The following ZBTB20 variants were observed in gnomAD, a reference collection of about 807,000 sequenced individuals.
ZBTB20 encodes the protein zinc finger and BTB domain containing 20, also known as zinc finger and BTB domain-containing protein 20.
Under a neutral mutation model 56.9 loss-of-function variants are expected in ZBTB20, and 9 were observed. That is an observed-to-expected ratio of 0.16 (90% CI 0.10 to 0.28). The LOEUF is 0.28. Ranked by LOEUF, ZBTB20 falls within the 10% of genes least tolerant of loss-of-function variation. ZBTB20 has a pLI of 1.00. For missense variants in ZBTB20, 655 were observed against 1,003.0 expected, an observed-to-expected ratio of 0.65 and a Z score of 4.69; for synonymous variants, 417 against 420.7, an observed-to-expected ratio of 0.99 and a Z score of 0.11.
At chr3:114,829,264 A>G (rs1337506184) in intron 4 of ZBTB20, among the ~76,000 whole-genome samples, 1 of 151,892 alleles carries the variant, frequency 6.6e-6, no homozygotes, top group Non-Finnish European at 1.5e-5. Flanking sequence ...CAAAATTCCC[A>G]TGGATACTGT....
At chr3:114,982,974 C>T (rs2078391080) in intron 2 of ZBTB20, among the ~76,000 whole-genome samples, 1 of 151,988 alleles carries the variant, frequency 6.6e-6, no homozygotes, top group Non-Finnish European at 1.5e-5. Context: ...TCATCCTACA[C>T]ACCATAATAA....
intron 2 of ZBTB20, among the ~76,000 whole-genome samples, chr3:114,991,634 G>A (rs953046177): frequency 3.7e-4 from 56 of 152,214 alleles, no homozygotes; most frequent in Admixed American, 2.3e-3. Flanking sequence ...TTGGTGCAGA[G>A]CTGAGTTCAA....
chr3:114,429,370 A>T (rs1178072609), intron 7 of ZBTB20, among the ~76,000 whole-genome samples: 1 of 152,230 alleles, frequency 6.6e-6, no homozygotes, highest in Non-Finnish European at 1.5e-5. Flanking sequence ...TATTTTAGTT[A>T]GACACTGGAA....
chr3:114,925,732 T>C (rs1404966461), intron 3 of ZBTB20, among the ~76,000 whole-genome samples: 3 of 152,142 alleles, frequency 2.0e-5, no homozygotes, highest in Non-Finnish European at 4.4e-5. Flanking sequence ...TTCACCATGT[T>C]AGCCAGGATG....
intron 10 of ZBTB20, among the ~76,000 whole-genome samples, chr3:114,355,759 G>C (rs190523231): frequency 9.9e-5 from 15 of 152,088 alleles, no homozygotes; most frequent in Admixed American, 9.8e-4. Flanking sequence ...GGAGTGTATA[G>C]GAAGGAATGG....
intron 7 of ZBTB20, among the ~76,000 whole-genome samples, chr3:114,467,033 GGA>G (rs2092582928): frequency 6.6e-6 from 1 of 152,174 alleles, no homozygotes; most frequent in Non-Finnish European, 1.5e-5. Flanking sequence ...ATTAGAAATT[GGA>G]GAGATAGGTT....
chr3:114,699,636 T>G (rs746574959), intron 5 of ZBTB20, among the ~76,000 whole-genome samples: 1 of 152,190 alleles, frequency 6.6e-6, no homozygotes, highest in Non-Finnish European at 1.5e-5. Context: ...TTGTTAATTC[T>G]GTAGGACTGA....
intron 6 of ZBTB20, among the ~76,000 whole-genome samples, chr3:114,539,526 G>A (rs914561134): frequency 3.9e-5 from 6 of 152,258 alleles, no homozygotes; most frequent in Non-Finnish European, 8.8e-5. Flanking sequence ...CAGGAACAGA[G>A]TATTACTTTG....
intron 10 of ZBTB20, among the ~76,000 whole-genome samples, chr3:114,363,419 T>A (rs1358903796): frequency 6.6e-6 from 1 of 152,204 alleles, no homozygotes; most frequent in Non-Finnish European, 1.5e-5. Context: ...TTCTGAAAAC[T>A]AATTAAAAAT....
At chr3:114,681,158 A>ATT (rs10576152) in intron 6 of ZBTB20, among the ~76,000 whole-genome samples, 39 of 121,070 alleles carry the variant, frequency 3.2e-4, no homozygotes, top group Middle Eastern at 4.3e-3. Context: ...TGAGCGTATA[A>ATT]TTTTTTTTTT....
intron 6 of ZBTB20, among the ~76,000 whole-genome samples, chr3:114,586,262 A>T (rs2055166454): frequency 6.6e-6 from 1 of 152,226 alleles, no homozygotes; most frequent in Non-Finnish European, 1.5e-5. Context: ...TCATGAAATG[A>T]AGTCCTGAAG....
intron 6 of ZBTB20, among the ~76,000 whole-genome samples, chr3:114,610,054 A>ACAGCAGCAG (rs758380950): frequency 2.2e-4 from 34 of 152,114 alleles, no homozygotes; most frequent in Middle Eastern, 3.4e-3. Context: ...CATGGCAATC[A>ACAGCAGCAG]CAGCAGCAGC....
At chr3:114,471,162 T>C (rs895401278) in intron 7 of ZBTB20, among the ~76,000 whole-genome samples, 5 of 152,170 alleles carry the variant, frequency 3.3e-5, no homozygotes, top group African/African-American at 7.2e-5. Flanking sequence ...AGAATCCCAA[T>C]TGAAGTTGTT....
At chr3:115,087,934 G>T (rs1261153810) in intron 1 of ZBTB20, among the ~76,000 whole-genome samples, 1 of 151,960 alleles carries the variant, frequency 6.6e-6, no homozygotes, top group Admixed American at 6.6e-5. Flanking sequence ...TAAGGAAAGG[G>T]ATGGAGTAAG....
intron 4 of ZBTB20, among the ~76,000 whole-genome samples, chr3:114,890,930 G>A (rs984833727): frequency 6.6e-6 from 1 of 151,886 alleles, no homozygotes; most frequent in Non-Finnish European, 1.5e-5. Flanking sequence ...GCATTACTTA[G>A]CTTGGCGATG....
intron 3 of ZBTB20, among the ~76,000 whole-genome samples, chr3:114,949,915 C>A (rs2077006892): frequency 6.6e-6 from 1 of 151,778 alleles, no homozygotes; most frequent in Non-Finnish European, 1.5e-5. Context: ...CAGAAACAAA[C>A]CCAACTGGAA....
At chr3:114,964,287 C>T (rs186363436) in intron 3 of ZBTB20, among the ~76,000 whole-genome samples, 12 of 152,104 alleles carry the variant, frequency 7.9e-5, no homozygotes, top group South Asian at 2.1e-4. Context: ...TGGTGGAGCA[C>T]GCCTGTAATT....
chr3:114,923,444 C>T (rs1242406612), intron 3 of ZBTB20, among the ~76,000 whole-genome samples: 2 of 152,120 alleles, frequency 1.3e-5, no homozygotes, highest in Non-Finnish European at 2.9e-5. Flanking sequence ...TAATCTTTGG[C>T]AAGGGCACCA....
At chr3:114,765,252 C>G (rs142999362) in intron 5 of ZBTB20, among the ~76,000 whole-genome samples, 186 of 152,140 alleles carry the variant, frequency 1.2e-3, no homozygotes, top group Non-Finnish European at 1.8e-3. Context: ...AAATTTCTAA[C>G]CCCAAGTATC....
Sources: allele counts gnomAD v4.1 joint callset (sites outside exome capture counted in the v4.1 genomes callset), GRCh38; gene constraint gnomAD v4.1.1; transcripts MANE v1.5; gene names NCBI Gene and HGNC (gene_info 2026-07-23, HGNC 2026-07-21).